RBFOX2: variants seen among roughly 807,000 people sequenced by gnomAD.
RBFOX2 encodes the protein RNA binding fox-1 homolog 2, also known as RNA binding protein fox-1 homolog 2.
In RBFOX2, 10 loss-of-function variants were observed where a neutral mutation model predicts 49.1. That is an observed-to-expected ratio of 0.20 (90% CI 0.13 to 0.35). The LOEUF (loss-of-function observed/expected upper bound fraction) is 0.35, where lower values mean the gene tolerates loss of function less well. Among genes scored for constraint, RBFOX2 ranks in the 10% least tolerant of loss-of-function variants. The pLI, the probability that RBFOX2 is intolerant of heterozygous loss-of-function variation, is 1.00. For missense variants in RBFOX2, 323 were observed against 486.9 expected, an observed-to-expected ratio of 0.66 and a Z score of 3.17; for synonymous variants, 183 against 187.4, an observed-to-expected ratio of 0.98 and a Z score of 0.19.
chr22:36,014,842 C>A (rs1418648839), intron 1 of RBFOX2, among the ~76,000 whole-genome samples: 2 of 152,158 alleles, frequency 1.3e-5, no homozygotes, highest in African/African-American at 2.4e-5. Flanking sequence ...CCCTGATAAG[C>A]GCCTCTCTGA....
intron 1 of RBFOX2, among the ~76,000 whole-genome samples, chr22:35,893,327 T>A (rs1373204022): frequency 2.0e-5 from 3 of 151,890 alleles, no homozygotes; most frequent in South Asian, 2.1e-4. Flanking sequence ...AAAAAAAAAA[T>A]TGAGATAAAT....
At chr22:35,940,839 AT>A (rs999468995), upstream of RBFOX2, among the ~76,000 whole-genome samples, 1 of 152,214 alleles carries the variant, frequency 6.6e-6, no homozygotes, top group African/African-American at 2.4e-5. Flanking sequence ...CACAAATTAT[AT>A]AATTTGATTT....
intron 2 of RBFOX2, among the ~76,000 whole-genome samples, chr22:35,792,063 TC>T (rs1329130435): frequency 6.6e-6 from 1 of 151,996 alleles, no homozygotes; most frequent in Admixed American, 6.6e-5. Flanking sequence ...ACACCTGTAA[TC>T]CCAGCACTTT....
At chr22:35,898,173 C>T (rs2048105618) in intron 1 of RBFOX2, 1 of 747,480 alleles carries the variant, frequency 1.3e-6, no homozygotes. Flanking sequence ...TCACCTGTGA[C>T]CCCACGCGTC....
chr22:35,907,117 G>A (rs1408135473), intron 1 of RBFOX2, among the ~76,000 whole-genome samples: 3 of 152,182 alleles, frequency 2.0e-5, no homozygotes, highest in Non-Finnish European at 4.4e-5. Flanking sequence ...CACTCTGATA[G>A]GCCCTGGAGC....
At chr22:35,760,531 G>A (rs898659459) in intron 8 of RBFOX2, among the ~76,000 whole-genome samples, 3 of 152,116 alleles carry the variant, frequency 2.0e-5, no homozygotes, top group Admixed American at 6.5e-5. Flanking sequence ...ATAGTCTTTA[G>A]ACATTTCATT....
chr22:35,756,173 C>CAA, intron 9 of RBFOX2, 29 bp from the exon 11 acceptor site: 1 of 1,479,372 alleles, frequency 6.8e-7, no homozygotes, highest in Non-Finnish European at 9.0e-7. Flanking sequence ...AAAACAAAAA[C>CAA]AAAAAAAACA....
At chr22:35,821,879 A>G (rs1035024755) in intron 1 of RBFOX2, 27 of 518,866 alleles carry the variant, frequency 5.2e-5, no homozygotes, top group Non-Finnish European at 6.9e-5. Flanking sequence ...TTGTATGGCA[A>G]ACTTTGACCA....
At chr22:35,957,834 T>TA (rs2055756125) in intron 1 of RBFOX2, among the ~76,000 whole-genome samples, 2 of 152,178 alleles carry the variant, frequency 1.3e-5, no homozygotes, top group Admixed American at 1.3e-4. Flanking sequence ...CAGACACAAT[T>TA]ATGTGAATAC....
intron 1 of RBFOX2, among the ~76,000 whole-genome samples, chr22:36,013,574 T>C (rs564366039): frequency 1.3e-5 from 2 of 152,056 alleles, no homozygotes; most frequent in South Asian, 4.1e-4. Context: ...TGCAAGGCCA[T>C]TCTATTTTTT....
intron 1 of RBFOX2, among the ~76,000 whole-genome samples, chr22:35,985,334 C>T (rs1406151359): frequency 6.6e-6 from 1 of 152,178 alleles, no homozygotes; most frequent in Non-Finnish European, 1.5e-5. Context: ...CTCTTCCTCT[C>T]TTCTGTAAAA....
In RBFOX2 at chr22:35,935,048, C is replaced by T. The variant is rs574834753; in HGVS notation, c.-34+3799G>A. Among the ~76,000 whole-genome samples the T allele has an allele frequency of 1.1e-4, 16 of 152,288 alleles. No individual in the cohort carries two copies. In the South Asian group the frequency reaches 3.3e-3, roughly 32 times the overall value. On this transcript the variant is annotated intron_variant, in intron 1 of 13. Coordinates refer to the RBFOX2 transcript ENST00000359369. ...CTCCCAGGTTCCAGCAATCCTCCCA[C>T]CTCAGCCTCCCGAGTAGCTGGGACT...
At position 36,028,227 on chromosome 22, in the gene RBFOX2, C is replaced by G. The variant is rs1321671511; in HGVS notation, c.186+13G>C. 4 of 1,498,580 alleles carry G rather than the reference C, an allele frequency of 2.7e-6. No individual in the cohort carries two copies. 92.8% of individuals were successfully genotyped at this position (1,498,580 alleles called of 1,614,324 possible). On this transcript the variant is annotated intron_variant, in intron 1 of 13. Transcript: ENST00000438146. ...CCCCCGCAATAACTGGGCGCCCCGT[C>G]CCGCGCGGTCACCTGCATCCCGCCG...
chr22:35,873,625 C>T (rs538212135), intron 1 of RBFOX2, among the ~76,000 whole-genome samples: 1 of 152,262 alleles, frequency 6.6e-6, no homozygotes, highest in African/African-American at 2.4e-5. Flanking sequence ...TCCTGTGAGT[C>T]AACTCTGTAG....
intron 1 of RBFOX2, among the ~76,000 whole-genome samples, chr22:35,851,608 C>T (rs1466075600): frequency 1.3e-5 from 2 of 152,154 alleles, no homozygotes; most frequent in African/African-American, 4.8e-5. Flanking sequence ...AGGGGGATCA[C>T]TTGAGGTCAG....
chr22:35,948,761 A>G (rs1015288453), intron 1 of RBFOX2, among the ~76,000 whole-genome samples: 2 of 152,168 alleles, frequency 1.3e-5, no homozygotes, highest in African/African-American at 4.8e-5. Flanking sequence ...GAGGTTCAAG[A>G]TCATACTATA....
chr22:35,895,048 TCCTC>T (rs1487978043), intron 1 of RBFOX2, among the ~76,000 whole-genome samples: 1 of 151,046 alleles, frequency 6.6e-6, no homozygotes, highest in African/African-American at 2.4e-5. Flanking sequence ...TTGTTCTCTC[TCCTC>T]CCTCTCACCC....
intron 1 of RBFOX2, among the ~76,000 whole-genome samples, chr22:36,018,027 A>AC (rs914910236): frequency 5.9e-5 from 9 of 152,024 alleles, no homozygotes; most frequent in Non-Finnish European, 1.2e-4. Context: ...CAAGGGCCAG[A>AC]CCCCCCAGGG....
At chr22:36,003,096 C>T (rs1433621227) in intron 1 of RBFOX2, among the ~76,000 whole-genome samples, 1 of 152,240 alleles carries the variant, frequency 6.6e-6, no homozygotes, top group Non-Finnish European at 1.5e-5. Flanking sequence ...TGTCTTCTGA[C>T]CAGCTTATCA....
Sources: allele counts gnomAD v4.1 joint callset (sites outside exome capture counted in the v4.1 genomes callset), GRCh38; gene constraint gnomAD v4.1.1; transcripts MANE v1.5; gene names NCBI Gene and HGNC (gene_info 2026-07-23, HGNC 2026-07-21).